Variants in PRKAG2 observed in about 807,000 individuals in gnomAD.
PRKAG2 encodes 5'-AMP-activated protein kinase subunit gamma-2.
A neutral mutation model predicts 69.6 loss-of-function variants in PRKAG2; 26 were observed. That is an observed-to-expected ratio of 0.37 (90% CI 0.27 to 0.52). The LOEUF (loss-of-function observed/expected upper bound fraction) is 0.52, where lower values mean the gene tolerates loss of function less well. Among genes scored for constraint, PRKAG2 ranks in the 20% least tolerant of loss-of-function variants. PRKAG2 has a pLI of 0.90. For missense variants in PRKAG2, 557 were observed against 740.0 expected, an observed-to-expected ratio of 0.75 and a Z score of 2.87; for synonymous variants, 293 against 285.0, an observed-to-expected ratio of 1.03 and a Z score of -0.28.
rs1452108818 is a variant in PRKAG2 at position 151,703,901 on chromosome 7, CACACACACAA to C, written c.467-28274_467-28265del. On this transcript the variant is annotated intron_variant, in intron 3 of 15. Transcript: ENST00000287878. ...ACACACACACACACACACACACACA[CACACACACAA>C]ATTAGCTAGGCATGGTGGCAGGTGC... 9.6e-4 allele frequency among the ~76,000 whole-genome samples: 127 copies of C among 132,108 alleles called. 1 individual carries two copies. Among genetic ancestry groups the C allele is most frequent in the African/African-American group, 3.4e-3 (112 of 33,276 alleles). 86.7% of individuals were successfully genotyped at this position (132,108 alleles called of 152,430 possible). A position where few individuals can be genotyped will look rare whatever the true frequency, so the allele number is the denominator to read the frequency against.
At chr7:151,717,202 G>A (rs1334543618) in intron 3 of PRKAG2, among the ~76,000 whole-genome samples, 9 of 151,284 alleles carry the variant, frequency 5.9e-5, no homozygotes, top group African/African-American at 1.5e-4. Context: ...AGCTGAGATC[G>A]TGACATTGCA....
Position 151,781,543 on chromosome 7 carries a change from C to T in PRKAG2, c.187-112G>A, listed in dbSNP as rs1198930532. The T allele has an allele frequency of 7.5e-7, 1 of 1,325,310 alleles. No individual in the cohort carries two copies. The highest frequency in any genetic ancestry group is 1.0e-6 in the Non-Finnish European group (1 of 959,608). The allele number at this position is 1,325,310 out of a possible 1,614,324, so 82.1% of individuals were successfully genotyped here. On this transcript the variant is annotated intron_variant, in intron 2 of 15. Coordinates refer to ENST00000287878, the MANE Select transcript of PRKAG2 (RefSeq NM_016203.4). This position sits in a 1 kb window ranked among gnomAD's most constrained non-coding sequence, Gnocchi z 6.1. The stretch of plus-strand genomic sequence containing the variant: ...TCTCACATGCGGGCCCCCCATAGTA[C>T]CCTCCCAGAGAAACAGCCCTAAGCT...
At chr7:151,675,396 A>AC in intron 4 of PRKAG2, 24 bp downstream of exon 4, 1 of 1,605,986 alleles carries the variant, frequency 6.2e-7, no homozygotes, top group Middle Eastern at 1.7e-4. Context: ...CGGCAGCCCC[A>AC]CCCACAGAAG....
At position 151,836,328 on chromosome 7, in the gene PRKAG2, G is replaced by T. The variant is rs1304325080; in HGVS notation, c.114+40179C>A. Among the ~76,000 whole-genome samples, 1 of 152,142 alleles carries T rather than the reference G, an allele frequency of 6.6e-6. No individual in the cohort carries two copies. Among genetic ancestry groups the T allele is most frequent in the African/African-American group, 2.4e-5 (1 of 41,424 alleles). On this transcript the variant is annotated intron_variant, in intron 1 of 15. Coordinates refer to ENST00000287878, the MANE Select transcript of PRKAG2 (RefSeq NM_016203.4). This position sits in a 1 kb window ranked among gnomAD's most constrained non-coding sequence, Gnocchi z 4.1. ...GTCTGACTGCAGGCTGACACACCTG[G>T]GTCCACAGGCTGGATTCTCAAGAGG...
At chr7:151,735,099 G>A (rs1317585825) in intron 3 of PRKAG2, among the ~76,000 whole-genome samples, 11 of 151,948 alleles carry the variant, frequency 7.2e-5, no homozygotes, top group Non-Finnish European at 1.2e-4. Context: ...CAGGTGATCC[G>A]CCTGTTTTGG....
At chr7:151,731,522 C>CTGTG (rs113764475) in intron 3 of PRKAG2, among the ~76,000 whole-genome samples, 136 of 107,762 alleles carry the variant, frequency 1.3e-3, no homozygotes, top group African/African-American at 3.8e-3. Context: ...GGGGAGAGCT[C>CTGTG]TGTGTGTGTG....
chr7:151,639,423 C>A lies in PRKAG2; in HGVS notation c.685-7285G>T, dbSNP rs79110277. Among the ~76,000 whole-genome samples, 520 of 152,256 alleles carry A rather than the reference C, an allele frequency of 3.4e-3. 6 individuals are homozygous for A. Among genetic ancestry groups the A allele is most frequent in the Middle Eastern group, 0.017 (5 of 294 alleles). ...CTGGATTAAGGAACACCTAGACAAC[C>A]GGTAAAGCATTATTTCTGGGTGTGT... On this transcript the variant is annotated intron_variant, in intron 4 of 15. Coordinates refer to ENST00000287878, the MANE Select transcript of PRKAG2 (RefSeq NM_016203.4).
At chr7:151,815,583 T>C (rs931499270) in intron 1 of PRKAG2, among the ~76,000 whole-genome samples, 1 of 152,188 alleles carries the variant, frequency 6.6e-6, no homozygotes, top group African/African-American at 2.4e-5. Flanking sequence ...TTGCTCCCTC[T>C]GCCTCCTGCC....
At chr7:151,714,012 T>A (rs372833338) in intron 3 of PRKAG2, among the ~76,000 whole-genome samples, 6 of 152,252 alleles carry the variant, frequency 3.9e-5, no homozygotes, top group African/African-American at 1.4e-4. Context: ...AACCGGCACA[T>A]ACCCCCAAAG....
chr7:151,603,978 C>T (rs56683738), intron 5 of PRKAG2, among the ~76,000 whole-genome samples: 30,278 of 152,088 alleles, frequency 0.2, 3,804 homozygotes, highest in African/African-American at 0.35. Context: ...AGGTTAGGAG[C>T]GGTCAGAGGC....
At chr7:151,648,541 G>T (rs1488896432) in intron 4 of PRKAG2, among the ~76,000 whole-genome samples, 2 of 152,078 alleles carry the variant, frequency 1.3e-5, no homozygotes, top group South Asian at 4.1e-4. Context: ...AAGAGACATC[G>T]ATTTAACAAG....
intron 1 of PRKAG2, among the ~76,000 whole-genome samples, chr7:151,845,046 C>G (rs550739846): frequency 1.3e-4 from 19 of 150,430 alleles, no homozygotes; most frequent in African/African-American, 4.8e-4. Flanking sequence ...CCGCCCCGCA[C>G]AAGGGTGCTG....
At chr7:151,744,586 C>CT (rs1028473245) in intron 3 of PRKAG2, among the ~76,000 whole-genome samples, 2 of 152,232 alleles carry the variant, frequency 1.3e-5, no homozygotes, top group African/African-American at 4.8e-5. Context: ...AGACCCCAAG[C>CT]TTTCCGTCTC....
At chr7:151,751,103 T>A (rs2074644767) in intron 3 of PRKAG2, among the ~76,000 whole-genome samples, 2 of 149,814 alleles carry the variant, frequency 1.3e-5, no homozygotes, top group Non-Finnish European at 3.0e-5. Context: ...GATTCCTTTT[T>A]TTTTTTTTTT....
At chr7:151,870,666 C>T (rs2080199645) in intron 1 of PRKAG2, among the ~76,000 whole-genome samples, 1 of 152,226 alleles carries the variant, frequency 6.6e-6, no homozygotes, top group Non-Finnish European at 1.5e-5. Context: ...CCACCCTCAT[C>T]CTGGAGTTCC....
At chr7:151,625,320 G>A (rs1563287222) in intron 5 of PRKAG2, among the ~76,000 whole-genome samples, 1 of 152,140 alleles carries the variant, frequency 6.6e-6, no homozygotes, top group Non-Finnish European at 1.5e-5. Flanking sequence ...CAGGCCTGGA[G>A]GAGCAAGGCA....
At chr7:151,855,488 CCACACACCACCCTCCA>C (rs2079740078) in intron 1 of PRKAG2, among the ~76,000 whole-genome samples, 2 of 74,452 alleles carry the variant, frequency 2.7e-5, no homozygotes, top group Non-Finnish European at 5.3e-5. Flanking sequence ...ACACCACCCT[CCACACACCACCCTCCA>C]CACACACCGC....
At chr7:151,758,284 G>A (rs1197442747) in intron 3 of PRKAG2, among the ~76,000 whole-genome samples, 2 of 152,194 alleles carry the variant, frequency 1.3e-5, no homozygotes, top group Admixed American at 1.3e-4. Flanking sequence ...CTGGCCAAAG[G>A]CCACCTTGTC....
rs865896948 is a variant in PRKAG2 at position 151,699,240 on chromosome 7, C to T, written c.467-23603G>A. ...CTGTAGTTGGAGACTCTTGAGAAAC[C>T]GAATGAACAATATTTCTGAAGATCT... On this transcript the variant is annotated intron_variant, in intron 3 of 15. Transcript: ENST00000287878. The surrounding 1 kb of genome is among the most constrained non-coding windows in gnomAD (Gnocchi z 4.5). Among the ~76,000 whole-genome samples, 6 of 152,322 alleles carry T rather than the reference C, an allele frequency of 3.9e-5. No homozygotes were observed. Among genetic ancestry groups the T allele is most frequent in the Middle Eastern group, 6.8e-3 (2 of 294 alleles).
Sources: allele counts gnomAD v4.1 joint callset (sites outside exome capture counted in the v4.1 genomes callset), GRCh38; gene constraint gnomAD v4.1.1; non-coding constraint Gnocchi (gnomAD v3.1); transcripts MANE v1.5; gene names NCBI Gene and HGNC (gene_info 2026-07-23, HGNC 2026-07-21).